Variants in ORC3 observed in about 807,000 individuals in gnomAD.
The protein encoded by ORC3 is homolog of latheo, Drosophila.
In ORC3, 78 loss-of-function variants were observed where a neutral mutation model predicts 100.7. The ratio of observed to expected loss-of-function variants is 0.77; its 90% CI spans 0.65 to 0.94. The LOEUF is 0.94. Ranked by LOEUF, ORC3 falls within the 40% of genes least tolerant of loss-of-function variation. ORC3 has a pLI of 0.00. For synonymous variants in ORC3, 295 were observed against 289.3 expected, an observed-to-expected ratio of 1.02 and a Z score of -0.20; for missense variants, 789 against 823.9, an observed-to-expected ratio of 0.96 and a Z score of 0.52.
chr6:87,639,055 TAGA>T (rs991071841), intron 13 of ORC3, among the ~76,000 whole-genome samples: 1 of 152,142 alleles, frequency 6.6e-6, no homozygotes, highest in African/African-American at 2.4e-5. Context: ...AAGCTGTGTG[TAGA>T]AGGTGTATTT....
At chr6:87,595,085 G>A (rs1777335455) in intron 2 of ORC3, 1 of 152,210 alleles carries the variant, frequency 6.6e-6, no homozygotes, top group Non-Finnish European at 1.5e-5. Flanking sequence ...ATGTGTGTTA[G>A]AATACTGCAT....
intron 11 of ORC3, among the ~76,000 whole-genome samples, chr6:87,625,450 T>C (rs565370589): frequency 1.3e-5 from 2 of 152,386 alleles, no homozygotes; most frequent in Admixed American, 1.3e-4. Context: ...TAACCAGTGA[T>C]GATGAGCATT....
chr6:87,601,978 A>G, intron 3 of ORC3, 97 bp downstream of exon 3: 1 of 763,930 alleles, frequency 1.3e-6, no homozygotes, highest in Non-Finnish European at 2.3e-6. Context: ...TATTGATGAA[A>G]TATAGGAAGT....
At chr6:87,676,673 A>G in the ORC3 span, among the ~76,000 whole-genome samples, 1 of 150,452 alleles carries the variant, frequency 6.6e-6, no homozygotes, top group African/African-American at 2.5e-5. Flanking sequence ...CCAGCTACTC[A>G]GGAGGTTAAG....
intron 11 of ORC3, among the ~76,000 whole-genome samples, chr6:87,627,905 G>T (rs192413433): frequency 3.3e-5 from 5 of 152,048 alleles, no homozygotes; most frequent in African/African-American, 9.7e-5. Context: ...TCTTAAGCTA[G>T]AACTAATCTA....
At chr6:87,653,390 T>A in intron 14 of ORC3, 141 bp downstream of exon 14, 1 of 648,474 alleles carries the variant, frequency 1.5e-6, no homozygotes. Context: ...AGCCTCATAG[T>A]ATCACATTTT....
At chr6:87,659,604 G>A (rs28381528) in intron 16 of ORC3, among the ~76,000 whole-genome samples, 4,406 of 152,070 alleles carry the variant, frequency 0.029, 216 homozygotes, top group African/African-American at 0.1. Flanking sequence ...AACCAAGGCC[G>A]GGCGCATTGG....
At chr6:87,646,260 A>G (rs1768780651) in intron 13 of ORC3, among the ~76,000 whole-genome samples, 1 of 152,152 alleles carries the variant, frequency 6.6e-6, no homozygotes, top group South Asian at 2.1e-4. Context: ...TGCTGGGATT[A>G]CAGGCGTGAG....
chr6:87,600,435 C>G (rs966592559), intron 2 of ORC3, among the ~76,000 whole-genome samples: 1 of 152,014 alleles, frequency 6.6e-6, no homozygotes, highest in African/African-American at 2.4e-5. Flanking sequence ...TAGTCAAATA[C>G]CAGTACAACT....
At chr6:87,622,553 A>G (rs1035384706) in intron 11 of ORC3, among the ~76,000 whole-genome samples, 1 of 152,250 alleles carries the variant, frequency 6.6e-6, no homozygotes, top group African/African-American at 2.4e-5. Context: ...TCTTTCTTGA[A>G]TAAATAATAC....
At position 87,612,201 on chromosome 6, in the gene ORC3, T is replaced by G; in HGVS notation, c.826T>G (p.Phe276Val). The G allele has an allele frequency of 6.2e-7, 1 of 1,612,268 alleles. No homozygotes were observed. Among genetic ancestry groups the G allele is most frequent in the Non-Finnish European group, 8.5e-7 (1 of 1,179,272 alleles). ...ATCATCTCTATTGTGCATAGAACTGTTCCAATCTTTGTCTTGTAAGGAGCA... is the reference window on the plus strand; with the variant it reads ...ATCATCTCTATTGTGCATAGAACTGGTCCAATCTTTGTCTTGTAAGGAGCA... The part of the protein sequence containing the change: ...AVSSLLCIEL[F>V]QSLSCKEHLT... The change falls in exon 8 of 20, where the codon TTC becomes GTC. Residue 276 changes from phenylalanine to valine, a missense_variant. Phe to Val is a conservative substitution (Grantham distance 50). This residue lies in a region of ORC3 where 399 missense variants were observed against 382.0 expected (regional missense o/e 1.04). Transcript: ENST00000392844.
chr6:87,657,297 A>G (rs944874183), intron 15 of ORC3, among the ~76,000 whole-genome samples: 1 of 152,194 alleles, frequency 6.6e-6, no homozygotes, highest in African/African-American at 2.4e-5. Context: ...TATTTATCTG[A>G]TGTATTTTTC....
At chr6:87,602,954 A>AATACATATATATATATAT (rs1554236516) in intron 3 of ORC3, among the ~76,000 whole-genome samples, 2 of 95,274 alleles carry the variant, frequency 2.1e-5, no homozygotes, top group Admixed American at 1.4e-4. Flanking sequence ...ACACATATAT[A>AATACATATATATATATAT]ATATATATAT....
intron 12 of ORC3, 73 bp downstream of exon 12, chr6:87,635,034 A>T: frequency 1.2e-6 from 1 of 828,498 alleles, no homozygotes; most frequent in East Asian, 2.4e-5. Context: ...TTTTTGTAGC[A>T]TTCAGGCATC....
chr6:87,621,306 T>G, intron 9 of ORC3, 48 bp from the exon 10 acceptor site: 1 of 1,399,316 alleles, frequency 7.1e-7, no homozygotes. Flanking sequence ...CGCAATAGAT[T>G]TACTGCCAAA....
chr6:87,646,080 A>C (rs989253776), intron 13 of ORC3, among the ~76,000 whole-genome samples: 4 of 141,518 alleles, frequency 2.8e-5, no homozygotes, highest in African/African-American at 8.1e-5. Flanking sequence ...TCCACCTCCC[A>C]GGTTCACGCC....
At chr6:87,604,350 G>C (rs868826803) in intron 4 of ORC3, among the ~76,000 whole-genome samples, 61 of 152,154 alleles carry the variant, frequency 4.0e-4, no homozygotes, top group African/African-American at 1.4e-3. Context: ...CTAGGGTGGG[G>C]CCTGAAATTT....
rs747731974 is a variant in ORC3, at chr6:87,616,442, A to G, written c.987+15A>G. 9.9e-7 allele frequency: 1 copy of G among 1,010,504 alleles called. No individual in the cohort carries two copies. The highest frequency in any genetic ancestry group is 1.8e-5 in the Admixed American group (1 of 54,922). 62.6% of individuals were successfully genotyped at this position (1,010,504 alleles called of 1,614,324 possible). A position where few individuals can be genotyped will look rare whatever the true frequency, so the allele number is the denominator to read the frequency against. On this transcript the variant is annotated intron_variant, in intron 9 of 19. Transcript: ENST00000392844. ...AAGGACTTCAGGTAAGAACACAGTA[A>G]TGGGTTTGAAAATTCTCAAGCTGAT...
At chr6:87,664,925 A>G in intron 18 of ORC3, 66 bp downstream of exon 18, 1 of 931,080 alleles carries the variant, frequency 1.1e-6, no homozygotes, top group Non-Finnish European at 1.7e-6. Flanking sequence ...TTCTCAGAAT[A>G]GTTTTATACT....
Sources: allele counts gnomAD v4.1 joint callset (sites outside exome capture counted in the v4.1 genomes callset), GRCh38; gene constraint gnomAD v4.1.1; regional missense constraint gnomAD v4.1.1; transcripts MANE v1.5; gene names NCBI Gene and HGNC (gene_info 2026-07-23, HGNC 2026-07-21).